Variants in THNSL1 observed in about 807,000 individuals in gnomAD.
The protein encoded by THNSL1 is threonine synthase-like 1.
In THNSL1, 48 loss-of-function variants were observed where a neutral mutation model predicts 50.4. The observed-to-expected ratio is 0.95, with a 90% CI of 0.76 to 1.21. The LOEUF is 1.21. THNSL1 is among the 50% of genes most tolerant of loss of function. The pLI, the probability that THNSL1 is intolerant of heterozygous loss-of-function variation, is 0.00. For synonymous variants in THNSL1, 309 were observed against 306.1 expected (o/e 1.01, Z -0.10); for missense variants, 896 against 871.7 (o/e 1.03, Z -0.35).
chr10:25,020,694 T>G (rs1037721486), intron 1 of THNSL1, among the ~76,000 whole-genome samples: 1 of 150,602 alleles, frequency 6.6e-6, no homozygotes, highest in African/African-American at 2.4e-5. Flanking sequence ...TGAGCTGAGA[T>G]CATGCCACTG....
chr10:24,988,312 G>A, the THNSL1 span, among the ~76,000 whole-genome samples: 1 of 139,480 alleles, frequency 7.2e-6, no homozygotes, highest in South Asian at 2.2e-4. Context: ...ATATTTATAT[G>A]TGTGTATATA....
At chr10:24,959,117 T>G in the THNSL1 span, among the ~76,000 whole-genome samples, 1 of 152,176 alleles carries the variant, frequency 6.6e-6, no homozygotes, top group African/African-American at 2.4e-5. Flanking sequence ...GCAAAATTAA[T>G]TGGTGCCTCA....
the THNSL1 span, among the ~76,000 whole-genome samples, chr10:24,970,141 C>T: frequency 6.6e-6 from 1 of 152,184 alleles, no homozygotes; most frequent in Non-Finnish European, 1.5e-5. Flanking sequence ...GAGGGAAAAT[C>T]CTTTCAAGAT....
chr10:24,997,780 C>T, the THNSL1 span, among the ~76,000 whole-genome samples: 1 of 147,066 alleles, frequency 6.8e-6, no homozygotes, highest in Admixed American at 6.7e-5. Context: ...TAGGCTTCTT[C>T]CTTTTTTCTT....
chr10:25,005,481 G>A, the THNSL1 span, among the ~76,000 whole-genome samples: 42 of 152,066 alleles, frequency 2.8e-4, no homozygotes, highest in East Asian at 7.4e-3. Flanking sequence ...TTCCTCTAAT[G>A]GGCAAAATAG....
the THNSL1 span, among the ~76,000 whole-genome samples, chr10:24,994,020 G>T: frequency 6.6e-6 from 1 of 152,140 alleles, no homozygotes; most frequent in African/African-American, 2.4e-5. Context: ...GAAGGAGGAA[G>T]TACCTGGAGA....
At chr10:24,988,234 G>GTA in the THNSL1 span, among the ~76,000 whole-genome samples, 1,502 of 133,930 alleles carry the variant, frequency 0.011, 7 homozygotes, top group Middle Eastern at 0.037. Context: ...AAAAAAAAAT[G>GTA]TATATATATA....
the THNSL1 span, among the ~76,000 whole-genome samples, chr10:24,979,036 G>T: frequency 6.6e-6 from 1 of 152,114 alleles, no homozygotes; most frequent in Non-Finnish European, 1.5e-5. Context: ...TTCTTCCCCC[G>T]ATCTGTGTTT....
chr10:24,990,345 A>C, the THNSL1 span: 7 of 1,341,608 alleles, frequency 5.2e-6, no homozygotes, highest in Non-Finnish European at 7.0e-6. Flanking sequence ...TGTAACCCAA[A>C]GAGATTGTTC....
At chr10:25,016,201 A>G (rs1850568155), upstream of THNSL1, 26 of 1,169,060 alleles carry the variant, frequency 2.2e-5, no homozygotes, top group Non-Finnish European at 2.5e-5. Flanking sequence ...AGGAAGTGGC[A>G]GGCAGCACCG....
chr10:24,962,304 T>G, the THNSL1 span, among the ~76,000 whole-genome samples: 2 of 152,160 alleles, frequency 1.3e-5, no homozygotes, highest in Non-Finnish European at 2.9e-5. Context: ...TAGTGATGGG[T>G]TCTGAATTAA....
At chr10:25,001,635 G>A in the THNSL1 span, among the ~76,000 whole-genome samples, 2 of 151,876 alleles carry the variant, frequency 1.3e-5, no homozygotes, top group African/African-American at 2.4e-5. Context: ...CTTTTTCAGT[G>A]TCTTAGCTGC....
At chr10:24,956,463 T>TA in the THNSL1 span, among the ~76,000 whole-genome samples, 51 of 143,708 alleles carry the variant, frequency 3.5e-4, no homozygotes, top group Admixed American at 1.4e-3. Context: ...TGCATTTTAT[T>TA]TATTTTTTTT....
rs567542826 is a variant in THNSL1, at chr10:25,018,150, C to G, written c.-216+1458C>G. 3.9e-5 allele frequency among the ~76,000 whole-genome samples: 6 copies of G among 152,290 alleles called. No individual in the cohort carries two copies. The South Asian group carries it at 1.2e-3, about 32-fold the overall frequency. ...AAATGCTAAACAATTTGTGCAAGAC[C>G]TCACTGTGGTATAGTTAGTTTACAG... On this transcript the variant is annotated intron_variant, in intron 1 of 2. Transcript: ENST00000376356.
At chr10:24,995,686 A>C in the THNSL1 span, 1 of 1,613,942 alleles carries the variant, frequency 6.2e-7, no homozygotes, top group African/African-American at 1.3e-5. Context: ...TGAAGGCTCA[A>C]GATCATGCTT....
At chr10:24,984,383 A>G in the THNSL1 span, 136 of 894,106 alleles carry the variant, frequency 1.5e-4, no homozygotes, top group African/African-American at 3.4e-3. Flanking sequence ...TGCGCTGCAG[A>G]AAAAAAAAAA....
At position 25,024,410 on chromosome 10, in the gene THNSL1, A is replaced by G; in HGVS notation, c.1187A>G (p.Asn396Ser). 1.2e-6 allele frequency: 2 copies of G among 1,613,968 alleles called. No homozygotes were observed. The highest frequency in any genetic ancestry group is 2.2e-5 in the East Asian group (1 of 44,890). ...VLNGFSRLNK[N>S]DKQRIAVVAF... ...AATGGTTTTAGTCGTCTAAATAAGA[A>G]TGATAAGCAAAGGATAGCTGTGGTT... The change falls in exon 3 of 3, where the codon AAT (asparagine) becomes AGT (serine). Residue 396 changes from asparagine to serine, a missense_variant. Coordinates refer to ENST00000376356, the MANE Select transcript of THNSL1 (RefSeq NM_024838.5).
chr10:24,996,108 G>A, the THNSL1 span, among the ~76,000 whole-genome samples: 1 of 152,140 alleles, frequency 6.6e-6, no homozygotes, highest in Non-Finnish European at 1.5e-5. Context: ...AAGAAAAAAA[G>A]TCAGTAATTA....
chr10:24,973,307 G>A, the THNSL1 span, among the ~76,000 whole-genome samples: 2 of 151,778 alleles, frequency 1.3e-5, no homozygotes, highest in African/African-American at 2.4e-5. Flanking sequence ...TGACAGCCTC[G>A]TCGACTAAGT....
Sources: gnomAD v4.1 joint callset for allele counts (sites outside exome capture counted in the v4.1 genomes callset) on GRCh38, gnomAD v4.1.1 for gene constraint, MANE v1.5 for transcripts, NCBI Gene and HGNC (gene_info 2026-07-23, HGNC 2026-07-21) for gene names.